DLG2: variants seen among roughly 807,000 people sequenced by gnomAD.
The protein encoded by DLG2 is discs large MAGUK scaffold protein 2.
DLG2 carries 45 observed loss-of-function variants against 132.5 expected under a neutral mutation model. The ratio of observed to expected loss-of-function variants is 0.34; its 90% CI spans 0.27 to 0.44. The LOEUF (loss-of-function observed/expected upper bound fraction) is 0.44, where lower values mean the gene tolerates loss of function less well. DLG2 is among the 20% of genes least tolerant of loss of function. The probability of loss-of-function intolerance (pLI) is 1.00; values close to 1 mark genes in which losing one functional copy is unlikely to be tolerated. For missense variants in DLG2, 1,045 were observed against 1,196.9 expected, an observed-to-expected ratio of 0.87 and a Z score of 1.87; for synonymous variants, 424 against 419.6, an observed-to-expected ratio of 1.01 and a Z score of -0.13.
At chr11:84,953,421 G>C (rs375204583) in intron 6 of DLG2, among the ~76,000 whole-genome samples, 41 of 152,142 alleles carry the variant, frequency 2.7e-4, no homozygotes, top group African/African-American at 9.7e-4. Flanking sequence ...TACCTGGCCA[G>C]CTACTTCCCA....
At chr11:83,464,904 T>C (rs2090730643) in intron 26 of DLG2, among the ~76,000 whole-genome samples, 1 of 152,234 alleles carries the variant, frequency 6.6e-6, no homozygotes, top group African/African-American at 2.4e-5. Context: ...TTCTCATTAA[T>C]GTTAGCATTA....
At chr11:84,621,418 G>A (rs893003312) in intron 6 of DLG2, among the ~76,000 whole-genome samples, 2 of 152,134 alleles carry the variant, frequency 1.3e-5, no homozygotes, top group African/African-American at 4.8e-5. Flanking sequence ...TGTGAGTATG[G>A]AGAAGGAATA....
chr11:83,701,407 T>C lies in DLG2; in HGVS notation c.1826-68082A>G, dbSNP rs535244227. Reference sequence around the variant, plus strand: ...GTCTGGAGTAGATATCAGTAAATATTAGCCCTGATCATAAACATCTATCTT... The same window carrying C: ...GTCTGGAGTAGATATCAGTAAATATCAGCCCTGATCATAAACATCTATCTT... On this transcript the variant is annotated intron_variant, in intron 18 of 27. Transcript: ENST00000376104. Among the ~76,000 whole-genome samples, 56 of 152,308 alleles carry C rather than the reference T, an allele frequency of 3.7e-4. 1 individual carries two copies. The highest frequency in any genetic ancestry group is 1.3e-3 in the African/African-American group (54 of 41,552).
chr11:85,446,793 ATGTGTGTGTGTGTG>A (rs35097336), intron 3 of DLG2, among the ~76,000 whole-genome samples: 1 of 145,114 alleles, frequency 6.9e-6, no homozygotes, highest in Non-Finnish European at 1.5e-5. Context: ...GATATAGTAT[ATGTGTGTGTGTGTG>A]TGTGTGTGTG....
chr11:84,620,151 C>T (rs1291787216), intron 6 of DLG2, among the ~76,000 whole-genome samples: 2 of 151,248 alleles, frequency 1.3e-5, no homozygotes, highest in Non-Finnish European at 3.0e-5. Context: ...AAACAGAATA[C>T]AGAACATAGA....
intron 4 of DLG2, among the ~76,000 whole-genome samples, chr11:85,273,820 G>A (rs2077705615): frequency 6.6e-6 from 1 of 152,116 alleles, no homozygotes; most frequent in Non-Finnish European, 1.5e-5. Context: ...GCTTATTGTG[G>A]CACTACTCAC....
intron 10 of DLG2, among the ~76,000 whole-genome samples, chr11:84,089,729 ACTT>A (rs1311604798): frequency 1.3e-5 from 2 of 152,176 alleles, no homozygotes; most frequent in Admixed American, 6.5e-5. Context: ...AGAAAAGAAA[ACTT>A]CTTTTTTTTT....
intron 19 of DLG2, among the ~76,000 whole-genome samples, chr11:83,543,486 G>A (rs557914852): frequency 1.3e-5 from 2 of 152,092 alleles, no homozygotes; most frequent in Non-Finnish European, 2.9e-5. Context: ...TATGAATATG[G>A]ACTACTGGGT....
intron 3 of DLG2, among the ~76,000 whole-genome samples, chr11:85,359,377 T>G (rs566668497): frequency 6.6e-6 from 1 of 152,316 alleles, no homozygotes; most frequent in Admixed American, 6.5e-5. Flanking sequence ...TTCTCAACCT[T>G]AAAGGGAAAA....
chr11:84,089,254 C>T (rs1485353769), intron 10 of DLG2, among the ~76,000 whole-genome samples: 2 of 152,166 alleles, frequency 1.3e-5, no homozygotes, highest in Non-Finnish European at 2.9e-5. Context: ...TCCCTTTCCT[C>T]TGTTTGGTGC....
rs1441008422 is a variant in DLG2, at chr11:83,930,498, G to A, written c.1341-15C>T. On this transcript the variant is annotated splice_polypyrimidine_tract_variant and intron_variant, in intron 14 of 27. Transcript: ENST00000376104. Reference sequence around the variant, plus strand: ...GTTCCGGAGGCCTGGTGATACAAGAGGAAGAGAAAGATATGCATGGTTAGT... The same window carrying A: ...GTTCCGGAGGCCTGGTGATACAAGAAGAAGAGAAAGATATGCATGGTTAGT... 2 of 1,612,572 alleles carry A rather than the reference G, an allele frequency of 1.2e-6. No homozygotes were observed. The highest frequency in any genetic ancestry group is 1.1e-5 in the South Asian group (1 of 90,746).
At chr11:85,073,390 C>T (rs1296692334) in intron 6 of DLG2, among the ~76,000 whole-genome samples, 1 of 151,844 alleles carries the variant, frequency 6.6e-6, no homozygotes, top group Non-Finnish European at 1.5e-5. Flanking sequence ...AAGTTCTTAA[C>T]CTTTCTTATC....
intron 3 of DLG2, among the ~76,000 whole-genome samples, chr11:85,502,883 TAGC>T (rs1263969710): frequency 1.3e-5 from 2 of 152,148 alleles, no homozygotes; most frequent in African/African-American, 4.8e-5. Context: ...AAGATGTTCA[TAGC>T]AGCATTGATT....
chr11:84,087,099 A>G (rs1361701526), intron 10 of DLG2, among the ~76,000 whole-genome samples: 3 of 152,234 alleles, frequency 2.0e-5, no homozygotes, highest in Non-Finnish European at 4.4e-5. Context: ...GCTGTTATGC[A>G]TAATGGTGCT....
intron 5 of DLG2, among the ~76,000 whole-genome samples, chr11:85,133,725 C>G (rs1304556100): frequency 6.6e-6 from 1 of 151,996 alleles, no homozygotes; most frequent in Admixed American, 6.5e-5. Context: ...TGAGTTCTTT[C>G]CCAAACTTTT....
chr11:84,358,643 G>A (rs1385429872), intron 7 of DLG2, among the ~76,000 whole-genome samples: 3 of 151,722 alleles, frequency 2.0e-5, no homozygotes, highest in South Asian at 4.1e-4. Flanking sequence ...ATATTAAATG[G>A]CTGCTGGGAC....
chr11:85,518,930 G>C (rs991041946), intron 3 of DLG2, among the ~76,000 whole-genome samples: 2 of 152,204 alleles, frequency 1.3e-5, no homozygotes, highest in African/African-American at 4.8e-5. Flanking sequence ...AGCCTTGGCA[G>C]CTTCCACGTG....
At chr11:85,380,708 A>AG (rs1232967800) in intron 3 of DLG2, among the ~76,000 whole-genome samples, 1 of 152,194 alleles carries the variant, frequency 6.6e-6, no homozygotes, top group Admixed American at 6.6e-5. Flanking sequence ...ACAGAGAAAC[A>AG]GAGAAGCATC....
intron 9 of DLG2, among the ~76,000 whole-genome samples, chr11:84,136,303 A>C (rs2094598912): frequency 1.3e-5 from 2 of 152,166 alleles, no homozygotes; most frequent in African/African-American, 4.8e-5. Context: ...TTCTGACCCT[A>C]CCATTTAATA....
Sources: gnomAD v4.1 joint callset for allele counts (sites outside exome capture counted in the v4.1 genomes callset) on GRCh38, gnomAD v4.1.1 for gene constraint, MANE v1.5 for transcripts, NCBI Gene and HGNC (gene_info 2026-07-23, HGNC 2026-07-21) for gene names.